Variants in SOX5 observed in about 807,000 individuals in gnomAD.
SOX5 encodes SRY-box transcription factor 5, also known as transcription factor SOX-5.
In SOX5, 9 loss-of-function variants were observed where a neutral mutation model predicts 92.0. The ratio of observed to expected loss-of-function variants is 0.10; its 90% CI spans 0.06 to 0.17. SOX5 has a LOEUF of 0.17. Ranked by LOEUF, SOX5 falls within the 10% of genes least tolerant of loss-of-function variation. The pLI, the probability that SOX5 is intolerant of heterozygous loss-of-function variation, is 1.00. For synonymous variants in SOX5, 344 were observed against 336.3 expected (o/e 1.02, Z -0.25); for missense variants, 642 against 944.5 (o/e 0.68, Z 4.20).
At chr12:23,878,437 TATG>T (rs1204100028) in intron 2 of SOX5, among the ~76,000 whole-genome samples, 1 of 152,104 alleles carries the variant, frequency 6.6e-6, no homozygotes, top group African/African-American at 2.4e-5. Context: ...TATAAATATT[TATG>T]ATGTTTTATC....
At chr12:24,490,241 C>T (rs1357761602) in intron 1 of SOX5, among the ~76,000 whole-genome samples, 2 of 152,198 alleles carry the variant, frequency 1.3e-5, no homozygotes, top group African/African-American at 4.8e-5. Context: ...TCCATGGCAC[C>T]TAGAACAGAT....
At chr12:23,872,492 T>C (rs2096885984) in intron 2 of SOX5, among the ~76,000 whole-genome samples, 1 of 152,078 alleles carries the variant, frequency 6.6e-6, no homozygotes, top group Non-Finnish European at 1.5e-5. Flanking sequence ...GAAAATGTAG[T>C]CCCTCTTATG....
rs554987229 is a variant in SOX5, at chr12:23,709,385, G to A, written c.810+25299C>T. On this transcript the variant is annotated intron_variant, in intron 6 of 14. Coordinates refer to ENST00000451604, the MANE Select transcript of SOX5 (RefSeq NM_006940.6). ...CTCCCAGTGTGTTGGGATTACAGGC[G>A]TGAGCTACAATGCCCAGACAAGGGC... 9.9e-5 allele frequency among the ~76,000 whole-genome samples: 15 copies of A among 152,182 alleles called. No homozygotes were observed. The South Asian group carries it at 1.4e-3, about 15-fold the overall frequency.
chr12:23,546,571 G>A, intron 11 of SOX5, 147 bp from the exon 12 acceptor site: 1 of 586,556 alleles, frequency 1.7e-6, no homozygotes, highest in Non-Finnish European at 3.0e-6. Context: ...ACATTAACCT[G>A]AAGTCATTAA....
At chr12:24,026,360 G>C (rs1954869234) in intron 4 of SOX5, among the ~76,000 whole-genome samples, 1 of 151,972 alleles carries the variant, frequency 6.6e-6, no homozygotes, top group African/African-American at 2.4e-5. Context: ...AAAATTCACT[G>C]ATTGTAATTT....
At chr12:23,866,156 T>C (rs927581480) in intron 2 of SOX5, among the ~76,000 whole-genome samples, 3 of 152,310 alleles carry the variant, frequency 2.0e-5, no homozygotes, top group African/African-American at 7.2e-5. Flanking sequence ...TACCTGTGTA[T>C]ACAAACATTT....
intron 3 of SOX5, among the ~76,000 whole-genome samples, chr12:23,820,762 G>A (rs938010517): frequency 1.3e-5 from 2 of 152,064 alleles, no homozygotes; most frequent in African/African-American, 4.8e-5. Context: ...TGAGGCCTCT[G>A]TTCTGTTCCA....
intron 4 of SOX5, among the ~76,000 whole-genome samples, chr12:24,151,698 C>T (rs1316134118): frequency 6.6e-6 from 1 of 151,904 alleles, no homozygotes; most frequent in Non-Finnish European, 1.5e-5. Context: ...GCAAAATGAA[C>T]ACAATATACT....
intron 4 of SOX5, among the ~76,000 whole-genome samples, chr12:24,064,715 T>C (rs1407870039): frequency 6.6e-6 from 1 of 152,200 alleles, no homozygotes; most frequent in African/African-American, 2.4e-5. Flanking sequence ...ATCCTGATCA[T>C]AGAAAGGTCC....
chr12:24,221,757 AAC>A (rs1960495433), intron 3 of SOX5, among the ~76,000 whole-genome samples: 1 of 152,232 alleles, frequency 6.6e-6, no homozygotes, highest in Admixed American at 6.5e-5. Context: ...TGGAGACAAA[AAC>A]AGTTTGTAGA....
intron 4 of SOX5, among the ~76,000 whole-genome samples, chr12:24,081,245 G>T (rs563013455): frequency 1.3e-5 from 2 of 151,860 alleles, no homozygotes; most frequent in Admixed American, 1.3e-4. Flanking sequence ...GCAAAAAAAT[G>T]CAAAACGTCT....
intron 3 of SOX5, among the ~76,000 whole-genome samples, chr12:23,761,605 A>T (rs912386975): frequency 2.0e-5 from 3 of 152,182 alleles, no homozygotes; most frequent in African/African-American, 7.2e-5. Context: ...ACCTATATAA[A>T]GGCAGAACTT....
At chr12:24,233,600 C>T (rs1341476970) in intron 3 of SOX5, among the ~76,000 whole-genome samples, 1 of 152,134 alleles carries the variant, frequency 6.6e-6, no homozygotes, top group African/African-American at 2.4e-5. Flanking sequence ...GACAATCTAC[C>T]CACACAGTTG....
At chr12:24,439,347 G>A (rs897864578) in intron 1 of SOX5, among the ~76,000 whole-genome samples, 12 of 152,238 alleles carry the variant, frequency 7.9e-5, no homozygotes, top group East Asian at 3.9e-4. Context: ...GCTTTATTGC[G>A]GTGGTCTGGA....
intron 4 of SOX5, among the ~76,000 whole-genome samples, chr12:24,190,953 A>T (rs1956464416): frequency 6.6e-6 from 1 of 152,190 alleles, no homozygotes. Context: ...ATAAAATTTA[A>T]AAAAAAGAGA....
chr12:23,640,893 G>A lies in SOX5; in HGVS notation c.936C>T (p.Asp312=), dbSNP rs755168238. The A allele has an allele frequency of 6.2e-7, 1 of 1,610,498 alleles. No individual in the cohort carries two copies. The part of the protein sequence containing the change: ...PGFSYKAGCS[D]PYPVQLIPTT... ...TTGGGATCAGCTGAACAGGGTAAGG[G>A]TCACCTAAGTAAGAGAATAATAGAG... The change falls in exon 8 of 15, where the codon GAC becomes GAT. Residue 312 remains aspartate (D), a synonymous_variant. Coordinates refer to ENST00000451604, the MANE Select transcript of SOX5 (RefSeq NM_006940.6).
chr12:24,087,049 T>C, intron 4 of SOX5, among the ~76,000 whole-genome samples: 1 of 152,184 alleles, frequency 6.6e-6, no homozygotes, highest in South Asian at 2.1e-4. Flanking sequence ...TATTTAAATA[T>C]ATGTTTAATT....
intron 3 of SOX5, among the ~76,000 whole-genome samples, chr12:23,789,866 A>G (rs2095440480): frequency 6.6e-6 from 1 of 152,160 alleles, no homozygotes; most frequent in South Asian, 2.1e-4. Context: ...AGAAACACTG[A>G]TACATTTCAT....
intron 2 of SOX5, among the ~76,000 whole-genome samples, chr12:23,890,376 A>T (rs1022141640): frequency 2.0e-5 from 3 of 152,194 alleles, no homozygotes; most frequent in African/African-American, 7.2e-5. Flanking sequence ...TTAAGGAATC[A>T]AAAGAGAATT....
Sources: allele counts gnomAD v4.1 joint callset (sites outside exome capture counted in the v4.1 genomes callset), GRCh38; gene constraint gnomAD v4.1.1; transcripts MANE v1.5; gene names NCBI Gene and HGNC (gene_info 2026-07-23, HGNC 2026-07-21).